TBC1D5: variants seen among roughly 807,000 people sequenced by gnomAD.
TBC1D5 encodes TBC1 domain family, member 5.
TBC1D5 carries 75 observed loss-of-function variants against 100.3 expected under a neutral mutation model. The observed-to-expected ratio is 0.75, with a 90% CI of 0.62 to 0.91. The LOEUF (loss-of-function observed/expected upper bound fraction) is 0.91, where lower values mean the gene tolerates loss of function less well. TBC1D5 is among the 40% of genes least tolerant of loss of function. The pLI is 0.00. For missense variants in TBC1D5, 910 were observed against 942.4 expected (o/e 0.97, Z 0.45); for synonymous variants, 323 against 325.6 (o/e 0.99, Z 0.09).
intron 2 of TBC1D5, among the ~76,000 whole-genome samples, chr3:17,620,282 G>GTATTT (rs2062547116): frequency 6.6e-6 from 1 of 152,200 alleles, no homozygotes; most frequent in African/African-American, 2.4e-5. Context: ...ACCGGGCTTA[G>GTATTT]TATTTGCCCC....
chr3:17,686,371 A>G (rs930472071), intron 1 of TBC1D5, among the ~76,000 whole-genome samples: 42 of 152,186 alleles, frequency 2.8e-4, no homozygotes, highest in African/African-American at 9.2e-4. Flanking sequence ...TCCCATAGAA[A>G]TAATAACTTT....
chr3:17,298,105 A>G (rs1489905451), intron 14 of TBC1D5, among the ~76,000 whole-genome samples: 1 of 152,214 alleles, frequency 6.6e-6, no homozygotes, highest in African/African-American at 2.4e-5. Context: ...AAGGAAAACC[A>G]TAGGTTGGGA....
chr3:17,177,625 T>C (rs983411055), intron 19 of TBC1D5, among the ~76,000 whole-genome samples: 7 of 152,242 alleles, frequency 4.6e-5, no homozygotes, highest in Non-Finnish European at 1.0e-4. Flanking sequence ...CTGCTCAGAA[T>C]CTGTCAAGGG....
intron 1 of TBC1D5, among the ~76,000 whole-genome samples, chr3:17,642,210 G>A (rs546460759): frequency 1.3e-5 from 2 of 151,902 alleles, no homozygotes; most frequent in Admixed American, 6.6e-5. Flanking sequence ...TCAATTAACT[G>A]AGGGTGACCA....
At chr3:17,260,578 G>A (rs1460293520) in intron 15 of TBC1D5, among the ~76,000 whole-genome samples, 1 of 152,174 alleles carries the variant, frequency 6.6e-6, no homozygotes, top group African/African-American at 2.4e-5. Context: ...AAAAGATGAT[G>A]TTGAAAAACA....
chr3:17,663,295 C>G (rs11128840), intron 1 of TBC1D5, among the ~76,000 whole-genome samples: 75,645 of 150,320 alleles, frequency 0.5, 20,460 homozygotes, highest in East Asian at 0.94. Flanking sequence ...TAAAACAAAT[C>G]CAAACAAATA....
chr3:17,455,274 A>G (rs886291532), intron 3 of TBC1D5, among the ~76,000 whole-genome samples: 7 of 146,398 alleles, frequency 4.8e-5, no homozygotes, highest in Non-Finnish European at 9.0e-5. Context: ...ATATACATAT[A>G]TGTGTGTATA....
At chr3:17,735,293 A>G (rs1478676415) in intron 1 of TBC1D5, among the ~76,000 whole-genome samples, 1 of 152,214 alleles carries the variant, frequency 6.6e-6, no homozygotes, top group Non-Finnish European at 1.5e-5. Flanking sequence ...TGGTACATTC[A>G]TACAATGAAA....
At chr3:17,498,466 C>G (rs544527643) in intron 3 of TBC1D5, among the ~76,000 whole-genome samples, 1 of 152,024 alleles carries the variant, frequency 6.6e-6, no homozygotes, top group Non-Finnish European at 1.5e-5. Flanking sequence ...TTCGGTGAGA[C>G]GTCTTTTAAG....
intron 3 of TBC1D5, among the ~76,000 whole-genome samples, chr3:17,480,966 C>T (rs982967512): frequency 6.6e-6 from 1 of 152,174 alleles, no homozygotes; most frequent in East Asian, 1.9e-4. Flanking sequence ...AACATGCTCC[C>T]CCACTGCTCA....
At chr3:17,615,233 C>T (rs1436240496) in intron 2 of TBC1D5, among the ~76,000 whole-genome samples, 1 of 152,188 alleles carries the variant, frequency 6.6e-6, no homozygotes, top group Non-Finnish European at 1.5e-5. Flanking sequence ...AGGGATGAGG[C>T]TGACCTGATC....
intron 13 of TBC1D5, among the ~76,000 whole-genome samples, chr3:17,340,852 G>A (rs542643516): frequency 2.2e-4 from 33 of 152,184 alleles, no homozygotes; most frequent in African/African-American, 7.0e-4. Context: ...GTATAGTAGC[G>A]GTATCTAGAA....
At position 17,568,542 on chromosome 3, in the gene TBC1D5, T is replaced by C. The variant is rs900325096; in HGVS notation, c.-36+55307A>G. 2.6e-5 allele frequency among the ~76,000 whole-genome samples: 4 copies of C among 151,636 alleles called. No homozygotes were observed. The South Asian group carries it at 8.3e-4, about 31-fold the overall frequency. On this transcript the variant is annotated intron_variant, in intron 2 of 21. Transcript: ENST00000253692. Reference sequence around the variant, plus strand: ...AGATTCAAAGTCAATGACAAATATATAAGTTGATTATACTAAATCTCCCTT... The same window carrying C: ...AGATTCAAAGTCAATGACAAATATACAAGTTGATTATACTAAATCTCCCTT...
intron 21 of TBC1D5, among the ~76,000 whole-genome samples, chr3:17,163,475 G>A (rs569586486): frequency 9.9e-5 from 15 of 152,074 alleles, no homozygotes; most frequent in South Asian, 2.1e-4. Flanking sequence ...CAGAAGTTTT[G>A]TAAATCCCTA....
At chr3:17,514,664 G>C (rs142797061) in intron 2 of TBC1D5, among the ~76,000 whole-genome samples, 1 of 152,210 alleles carries the variant, frequency 6.6e-6, no homozygotes, top group Admixed American at 6.5e-5. Context: ...TACAAACTAA[G>C]AATGTATTTT....
intron 18 of TBC1D5, among the ~76,000 whole-genome samples, chr3:17,207,992 T>C (rs1046170294): frequency 6.6e-6 from 1 of 152,242 alleles, no homozygotes. Context: ...GTCTTTGCTT[T>C]CATTTCTGGC....
upstream of TBC1D5, chr3:17,742,562 T>G (rs1055735621): frequency 6.6e-6 from 1 of 152,378 alleles, no homozygotes; most frequent in Non-Finnish European, 1.5e-5. Context: ...TCTCCCTCAG[T>G]CTGCAGGGCG....
chr3:17,262,583 G>A (rs551279595), intron 15 of TBC1D5, among the ~76,000 whole-genome samples: 67 of 145,786 alleles, frequency 4.6e-4, no homozygotes, highest in African/African-American at 1.6e-3. Flanking sequence ...CCAGGTTCAC[G>A]CCACTCTCCT....
chr3:17,456,926 G>A (rs1357389612), intron 3 of TBC1D5, among the ~76,000 whole-genome samples: 1 of 152,114 alleles, frequency 6.6e-6, no homozygotes. Flanking sequence ...TATATGATAT[G>A]TCTGAAAAAG....
Sources: gnomAD v4.1 joint callset for allele counts (sites outside exome capture counted in the v4.1 genomes callset) on GRCh38, gnomAD v4.1.1 for gene constraint, MANE v1.5 for transcripts, NCBI Gene and HGNC (gene_info 2026-07-23, HGNC 2026-07-21) for gene names.